The following ENKUR variants were observed in gnomAD, a reference collection of about 807,000 sequenced individuals.
ENKUR encodes the protein enkurin, TRPC channel interacting protein, also known as enkurin.
In ENKUR, 19 loss-of-function variants were observed where a neutral mutation model predicts 27.6. The observed-to-expected ratio is 0.69, with a 90% CI of 0.48 to 1.01. ENKUR has a LOEUF of 1.01. Ranked by LOEUF, ENKUR falls within the 50% of genes least tolerant of loss-of-function variation. ENKUR has a pLI of 0.00. For missense variants in ENKUR, 312 were observed against 310.5 expected (o/e 1.00, Z -0.04); for synonymous variants, 117 against 96.9 (o/e 1.21, Z -1.22).
chr10:25,010,807 G>C (rs1231557199), intron 1 of ENKUR, among the ~76,000 whole-genome samples: 1 of 149,054 alleles, frequency 6.7e-6, no homozygotes, highest in African/African-American at 2.4e-5. Context: ...GTATTCCATG[G>C]TGTATATGTG....
rs1849713951 is a variant in ENKUR at position 24,983,462 on chromosome 10, T to A, written c.*908A>T. The A allele has an allele frequency of 6.6e-6, 1 of 152,294 alleles. No individual in the cohort carries two copies. The highest frequency in any genetic ancestry group is 1.5e-5 in the Non-Finnish European group (1 of 68,032). 9.4% of individuals were successfully genotyped at this position (152,294 alleles called of 1,614,324 possible). On this transcript the variant is annotated 3_prime_UTR_variant, in exon 6 of 6. Coordinates refer to ENST00000331161, the MANE Select transcript of ENKUR (RefSeq NM_145010.4). ...GTTTACGTAATTATACATTTTGGAG[T>A]GTACTGTCACAGCTGTTAGCCTACC...
chr10:25,061,258 A>G, exon 2 of ENKUR: 5 of 891,576 alleles, frequency 5.6e-6, no homozygotes, highest in Non-Finnish European at 7.0e-6. Flanking sequence ...TGATGCTGCC[A>G]GACACATCCA....
chr10:25,027,539 C>CAA (rs34834135), intron 2 of ENKUR, among the ~76,000 whole-genome samples: 13 of 100,094 alleles, frequency 1.3e-4, no homozygotes, highest in African/African-American at 4.4e-4. Context: ...ACTCCGTCTC[C>CAA]AAAAAAAAAA....
intron 2 of ENKUR, among the ~76,000 whole-genome samples, chr10:25,029,082 AT>A (rs930502083): frequency 2.0e-5 from 3 of 152,142 alleles, no homozygotes; most frequent in African/African-American, 7.2e-5. Flanking sequence ...ACTACTGGAC[AT>A]TTGTCTAATT....
At chr10:24,994,946 G>A (rs546197698) in intron 3 of ENKUR, among the ~76,000 whole-genome samples, 38 of 152,186 alleles carry the variant, frequency 2.5e-4, no homozygotes, top group African/African-American at 7.5e-4. Flanking sequence ...CACTCGAGCC[G>A]GAAGTTGGAA....
At chr10:24,997,309 T>C (rs2132690474) in intron 2 of ENKUR, among the ~76,000 whole-genome samples, 1 of 151,812 alleles carries the variant, frequency 6.6e-6, no homozygotes, top group East Asian at 1.9e-4. Flanking sequence ...GACTCCTAGT[T>C]CTCCAGAACT....
At chr10:24,987,740 A>T (rs1849810768) in intron 4 of ENKUR, among the ~76,000 whole-genome samples, 1 of 152,150 alleles carries the variant, frequency 6.6e-6, no homozygotes, top group Non-Finnish European at 1.5e-5. Context: ...CCAGCCTGGC[A>T]ATTGGTAAAT....
chr10:24,990,201 T>A (rs11014338), intron 4 of ENKUR, among the ~76,000 whole-genome samples: 9 of 152,184 alleles, frequency 5.9e-5, no homozygotes, highest in African/African-American at 2.2e-4. Context: ...TAGAGGAAGG[T>A]AGGCTTCCTT....
rs1249090912 is a variant in ENKUR at position 25,012,575 on chromosome 10, T to C, written c.77+3285A>G. 4.6e-5 allele frequency among the ~76,000 whole-genome samples: 7 copies of C among 152,168 alleles called. No homozygotes were observed. The East Asian group carries it at 1.2e-3, about 25-fold the overall frequency. ...AGGAGATCATTTTGGAACTTTAAGGTTTAATGACTGCCCTATTAGAATCTG... is the reference window on the plus strand; with the variant it reads ...AGGAGATCATTTTGGAACTTTAAGGCTTAATGACTGCCCTATTAGAATCTG... On this transcript the variant is annotated intron_variant, in intron 1 of 5. Coordinates refer to ENST00000331161, the MANE Select transcript of ENKUR (RefSeq NM_145010.4).
At chr10:25,014,211 T>C (rs919361171) in intron 1 of ENKUR, among the ~76,000 whole-genome samples, 1 of 152,196 alleles carries the variant, frequency 6.6e-6, no homozygotes, top group African/African-American at 2.4e-5. Context: ...AGTGTTCATA[T>C]TTCAGTTCCC....
intron 5 of ENKUR, 141 bp downstream of exon 5, chr10:24,984,595 C>A: frequency 1.9e-6 from 2 of 1,041,328 alleles, no homozygotes; most frequent in South Asian, 1.8e-5. Flanking sequence ...TTATTCTTTG[C>A]ATATTGCCTA....
At chr10:25,023,745 A>G in intron 2 of ENKUR, 1 of 1,613,990 alleles carries the variant, frequency 6.2e-7, no homozygotes, top group African/African-American at 1.3e-5. Context: ...ATAGGATTGT[A>G]GGTCAGAATT....
At chr10:25,058,895 C>T (rs555119612) in intron 2 of ENKUR, among the ~76,000 whole-genome samples, 1 of 147,664 alleles carries the variant, frequency 6.8e-6, no homozygotes, top group African/African-American at 2.5e-5. Flanking sequence ...TGTGCCACTG[C>T]ACTCCAACCT....
At chr10:25,059,317 A>C (rs1028732952) in intron 2 of ENKUR, among the ~76,000 whole-genome samples, 1 of 151,600 alleles carries the variant, frequency 6.6e-6, no homozygotes, top group Non-Finnish European at 1.5e-5. Flanking sequence ...TTTTTAGTAG[A>C]GACAGGGTTT....
At chr10:25,023,297 C>G in intron 2 of ENKUR, 1 of 1,614,056 alleles carries the variant, frequency 6.2e-7, no homozygotes. Flanking sequence ...CATGTTAAAA[C>G]GGATAAACAT....
At chr10:25,005,731 G>A (rs1850298575) in intron 1 of ENKUR, among the ~76,000 whole-genome samples, 1 of 152,206 alleles carries the variant, frequency 6.6e-6, no homozygotes, top group South Asian at 2.1e-4. Flanking sequence ...AAAAATGGAT[G>A]CCAATTCTTC....
chr10:25,002,685 T>C (rs780449419), intron 1 of ENKUR, among the ~76,000 whole-genome samples: 2 of 152,228 alleles, frequency 1.3e-5, no homozygotes, highest in Non-Finnish European at 2.9e-5. Flanking sequence ...CAACTTGTAT[T>C]ATCTTCTTCC....
At position 25,035,883 on chromosome 10, in the gene ENKUR, C is replaced by T. The variant is rs78447902; in HGVS notation, c.37+25229G>A. On this transcript the variant is annotated intron_variant, in intron 2 of 5. Coordinates refer to the ENKUR transcript ENST00000615958. ...TGAACATACACTGCTAAATCTTGATCTTTGGGCGTCAGTTCACTGCACTTA... is the reference window on the plus strand; with the variant it reads ...TGAACATACACTGCTAAATCTTGATTTTTGGGCGTCAGTTCACTGCACTTA... 3.3e-4 allele frequency among the ~76,000 whole-genome samples: 51 copies of T among 152,312 alleles called. 2 individuals are homozygous for T. The East Asian group carries it at 9.6e-3, about 29-fold the overall frequency.
At chr10:24,988,636 C>G (rs1166405856) in intron 4 of ENKUR, among the ~76,000 whole-genome samples, 1 of 85,982 alleles carries the variant, frequency 1.2e-5, no homozygotes, top group Non-Finnish European at 2.2e-5. Flanking sequence ...CTTTAGCTGG[C>G]CTGAAAATGT....
Sources: allele counts gnomAD v4.1 joint callset (sites outside exome capture counted in the v4.1 genomes callset), GRCh38; gene constraint gnomAD v4.1.1; transcripts MANE v1.5; gene names NCBI Gene and HGNC (gene_info 2026-07-23, HGNC 2026-07-21).